Variants in B3GALT1 observed in about 807,000 individuals in gnomAD.
The protein encoded by B3GALT1 is beta-1,3-galactosyltransferase 1, also known as UDP-Gal:betaGlcNAc beta 1,3-galactosyltransferase, polypeptide 1.
A neutral mutation model predicts 23.2 loss-of-function variants in B3GALT1; 10 were observed. The ratio of observed to expected loss-of-function variants is 0.43; its 90% CI spans 0.27 to 0.73. The LOEUF is 0.73. Ranked by LOEUF, B3GALT1 falls within the 30% of genes least tolerant of loss-of-function variation. B3GALT1 has a pLI of 0.21. For synonymous variants in B3GALT1, 156 were observed against 141.5 expected, an observed-to-expected ratio of 1.10 and a Z score of -0.73; for missense variants, 299 against 405.4, an observed-to-expected ratio of 0.74 and a Z score of 2.25.
intron 3 of B3GALT1, among the ~76,000 whole-genome samples, chr2:167,666,851 T>C (rs1686203723): frequency 6.6e-6 from 1 of 152,206 alleles, no homozygotes. Context: ...TGTCTCTGCC[T>C]GTGAGATGGG....
chr2:167,582,054 T>C (rs1049072381), intron 2 of B3GALT1, among the ~76,000 whole-genome samples: 2 of 152,164 alleles, frequency 1.3e-5, no homozygotes, highest in African/African-American at 4.8e-5. Flanking sequence ...TCCAATGAAC[T>C]GATTTAAAAT....
At chr2:167,838,727 A>T (rs1437752111) in intron 4 of B3GALT1, among the ~76,000 whole-genome samples, 1 of 152,288 alleles carries the variant, frequency 6.6e-6, no homozygotes, top group Admixed American at 6.5e-5. Context: ...ACAACCAAAA[A>T]GGAGAATTTT....
chr2:167,481,218 T>TA (rs36114231), intron 1 of B3GALT1, among the ~76,000 whole-genome samples: 60,259 of 150,902 alleles, frequency 0.4, 12,605 homozygotes, highest in East Asian at 0.79. Flanking sequence ...TTATATATGG[T>TA]AAAAAAAACA....
chr2:167,607,147 A>G (rs575318882), intron 2 of B3GALT1, among the ~76,000 whole-genome samples: 11 of 152,326 alleles, frequency 7.2e-5, no homozygotes, highest in South Asian at 2.1e-4. Flanking sequence ...GAAGATGATT[A>G]TTTTTCTTCT....
At chr2:167,788,300 T>C (rs1688376680) in intron 3 of B3GALT1, among the ~76,000 whole-genome samples, 1 of 152,048 alleles carries the variant, frequency 6.6e-6, no homozygotes, top group African/African-American at 2.4e-5. Flanking sequence ...GTTTTCGAGA[T>C]GATTCAAGCA....
Position 167,835,329 on chromosome 2 carries a change from G to A in B3GALT1, c.-230+16536G>A, listed in dbSNP as rs372589991. On this transcript the variant is annotated intron_variant, in intron 4 of 4. Transcript: ENST00000392690. ...CTGGAAAATTGGGTCACTCCCACCC[G>A]AATACTGTGCTTTTCCGACGGGCTT... Among the ~76,000 whole-genome samples the A allele has an allele frequency of 4.4e-4, 66 of 150,776 alleles. 1 individual carries two copies. The highest frequency in any genetic ancestry group is 7.4e-4 in the Non-Finnish European group (50 of 67,622).
chr2:167,648,240 A>G lies in B3GALT1; in HGVS notation c.-352+1274A>G, dbSNP rs148029273. ...TATCTTCTAAAATTCTGCTCTTATC[A>G]TATGATAACCTTGCTCAAAGCATAA... On this transcript the variant is annotated intron_variant, in intron 3 of 4. Transcript: ENST00000392690. Among the ~76,000 whole-genome samples the G allele has an allele frequency of 1.4e-4, 22 of 152,268 alleles. No homozygotes were observed. In the East Asian group the frequency reaches 4.2e-3, roughly 29 times the overall value.
intron 2 of B3GALT1, among the ~76,000 whole-genome samples, chr2:167,634,937 G>A (rs1288020577): frequency 6.6e-6 from 1 of 152,094 alleles, no homozygotes; most frequent in Non-Finnish European, 1.5e-5. Flanking sequence ...GAACATCAAT[G>A]CAAAAATCCT....
chr2:167,470,090 G>C (rs1057225268), intron 1 of B3GALT1, among the ~76,000 whole-genome samples: 1 of 152,044 alleles, frequency 6.6e-6, no homozygotes, highest in African/African-American at 2.4e-5. Context: ...ATATCTGTGA[G>C]TTCTAGTACC....
chr2:167,363,768 A>G (rs1697537361), intron 1 of B3GALT1, among the ~76,000 whole-genome samples: 1 of 152,092 alleles, frequency 6.6e-6, no homozygotes, highest in Non-Finnish European at 1.5e-5. Context: ...CAGAATTTCC[A>G]TCTCTGATTC....
At chr2:167,422,967 A>C (rs2105302727) in intron 1 of B3GALT1, among the ~76,000 whole-genome samples, 1 of 152,332 alleles carries the variant, frequency 6.6e-6, no homozygotes. Flanking sequence ...TCATTCAGAA[A>C]AGACATGATC....
chr2:167,571,440 A>T (rs1558910917), intron 2 of B3GALT1, among the ~76,000 whole-genome samples: 1 of 151,838 alleles, frequency 6.6e-6, no homozygotes, highest in Admixed American at 6.6e-5. Flanking sequence ...ATTGAGGATT[A>T]TACTCCTTGA....
chr2:167,469,210 A>C (rs753149732), intron 1 of B3GALT1, among the ~76,000 whole-genome samples: 2 of 152,192 alleles, frequency 1.3e-5, no homozygotes, highest in African/African-American at 4.8e-5. Context: ...CCAGGCTGCT[A>C]GAGTGTAAAA....
In B3GALT1 at chr2:167,293,192, A is replaced by C. The variant is rs1696286018; in HGVS notation, c.-653A>C. 6.6e-6 allele frequency: 1 copy of C among 151,736 alleles called. No individual in the cohort carries two copies. The highest frequency in any genetic ancestry group is 2.1e-4 in the South Asian group (1 of 4,822). The allele number at this position is 151,736 out of a possible 1,614,324, so 9.4% of individuals were successfully genotyped here. A position where few individuals can be genotyped will look rare whatever the true frequency, so the allele number is the denominator to read the frequency against. ...GGGGCGGCCGAGAGAGCGGAGCACG[A>C]GGAGGCGGGGGCGGCAGAGAAGTGA... On this transcript the variant is annotated 5_prime_UTR_variant, in exon 1 of 5. Transcript: ENST00000392690.
At chr2:167,676,242 A>G (rs542728759) in intron 3 of B3GALT1, among the ~76,000 whole-genome samples, 20 of 152,068 alleles carry the variant, frequency 1.3e-4, no homozygotes, top group African/African-American at 4.8e-4. Flanking sequence ...CAACATGCAA[A>G]CTCATAAATA....
At chr2:167,849,889 C>CA (rs34125080) in intron 4 of B3GALT1, among the ~76,000 whole-genome samples, 16,288 of 71,000 alleles carry the variant, frequency 0.23, 1,178 homozygotes, top group Non-Finnish European at 0.28. Context: ...GACTCTGTCT[C>CA]AAAAAAAAAA....
intron 1 of B3GALT1, among the ~76,000 whole-genome samples, chr2:167,341,159 A>G (rs1445522437): frequency 6.6e-6 from 1 of 152,204 alleles, no homozygotes; most frequent in African/African-American, 2.4e-5. Context: ...ACAGATAAAC[A>G]GAAAAGATGA....
intron 4 of B3GALT1, among the ~76,000 whole-genome samples, chr2:167,847,308 C>T (rs1182725447): frequency 6.6e-6 from 1 of 152,184 alleles, no homozygotes; most frequent in African/African-American, 2.4e-5. Context: ...GCACATGGAA[C>T]TTTCTCCAAG....
At chr2:167,715,256 T>C (rs1687125003) in intron 3 of B3GALT1, 1 of 1,613,862 alleles carries the variant, frequency 6.2e-7, no homozygotes, top group Non-Finnish European at 8.5e-7. Flanking sequence ...CATTGGCAAG[T>C]GTCCAGTCAG....
Sources: gnomAD v4.1 joint callset for allele counts (sites outside exome capture counted in the v4.1 genomes callset) on GRCh38, gnomAD v4.1.1 for gene constraint, MANE v1.5 for transcripts, NCBI Gene and HGNC (gene_info 2026-07-23, HGNC 2026-07-21) for gene names.